FAM151B: variants seen among roughly 807,000 people sequenced by gnomAD.
FAM151B encodes the protein protein FAM151B.
In FAM151B, 24 loss-of-function variants were observed where a neutral mutation model predicts 31.2. The observed-to-expected ratio is 0.77, with a 90% confidence interval of 0.56 to 1.08. FAM151B has a LOEUF of 1.08. Ranked by LOEUF, FAM151B falls within the 50% of genes least tolerant of loss-of-function variation. The pLI, the probability that FAM151B is intolerant of heterozygous loss-of-function variation, is 0.00. For synonymous variants in FAM151B, 105 were observed against 111.4 expected, an observed-to-expected ratio of 0.94 and a Z score of 0.36; for missense variants, 293 against 328.6, an observed-to-expected ratio of 0.89 and a Z score of 0.84.
At chr5:80,502,890 TATA>T (rs1743802390) in intron 2 of FAM151B, among the ~76,000 whole-genome samples, 2 of 152,240 alleles carry the variant, frequency 1.3e-5, no homozygotes, top group African/African-American at 4.8e-5. Flanking sequence ...GTGCGTAGCA[TATA>T]ATAACTACAC....
rs150561828 is a variant in FAM151B, at chr5:80,517,190, T to C, written c.318-2503T>C. Among the ~76,000 whole-genome samples, 619 of 152,300 alleles carry C rather than the reference T, an allele frequency of 4.1e-3. 4 individuals are homozygous for C. The highest frequency in any genetic ancestry group is 0.014 in the African/African-American group (574 of 41,568). On this transcript the variant is annotated intron_variant, in intron 3 of 5. Coordinates refer to ENST00000282226, the MANE Select transcript of FAM151B (RefSeq NM_205548.3). Reference sequence around the variant, plus strand: ...TCACATAACTTTTATTATAGTATATTGCTATAATTGTTCTATTTTATTACT... The same window carrying C: ...TCACATAACTTTTATTATAGTATATCGCTATAATTGTTCTATTTTATTACT...
chr5:80,500,302 G>T, intron 1 of FAM151B: 2 of 747,678 alleles, frequency 2.7e-6, no homozygotes, highest in South Asian at 2.8e-5. Context: ...TATATAAGAT[G>T]AGCAAGTTGC....
In FAM151B at chr5:80,538,474, CTTT is replaced by C. The variant is rs1561383787; in HGVS notation, c.672-3198_672-3196del. On this transcript the variant is annotated intron_variant, in intron 5 of 5. Transcript: ENST00000282226. ...TCTTTCTTTCTTTCTTTCTTTCTTT[CTTT>C]CTTTCTTTCCTTCCTTCCTTCCTTT... Among the ~76,000 whole-genome samples, 8 of 123,898 alleles carry C rather than the reference CTTT, an allele frequency of 6.5e-5. 1 individual carries two copies. The highest frequency in any genetic ancestry group is 1.3e-4 in the African/African-American group (4 of 30,032). 81.3% of individuals were successfully genotyped at this position (123,898 alleles called of 152,430 possible).
intron 3 of FAM151B, among the ~76,000 whole-genome samples, chr5:80,519,425 C>T (rs1423126256): frequency 6.6e-6 from 1 of 152,112 alleles, no homozygotes; most frequent in Non-Finnish European, 1.5e-5. Flanking sequence ...AGTTTTGAAA[C>T]CTCTATTTTG....
rs139282692 is a variant in FAM151B, at chr5:80,500,972, C to G, written c.26-820C>G. On this transcript the variant is annotated intron_variant, in intron 1 of 5. Transcript: ENST00000282226. ...TTGCTGTGGCCCTTCAAATTATCTT[C>G]GCCATGAGGCGGAATGAAGAAAAAG... 7 of 672,800 alleles carry G rather than the reference C, an allele frequency of 1.0e-5. No individual in the cohort carries two copies. In the East Asian group the frequency reaches 1.8e-4, roughly 18 times the overall value. 41.7% of individuals were successfully genotyped at this position (672,800 alleles called of 1,614,324 possible). A position where few individuals can be genotyped will look rare whatever the true frequency, so the allele number is the denominator to read the frequency against.
At chr5:80,498,221 T>C (rs960935026) in intron 1 of FAM151B, among the ~76,000 whole-genome samples, 1 of 152,226 alleles carries the variant, frequency 6.6e-6, no homozygotes, top group Non-Finnish European at 1.5e-5. Context: ...TGTGTTGCCA[T>C]CTCAGTATGA....
At chr5:80,497,113 A>G (rs1307275505) in intron 1 of FAM151B, among the ~76,000 whole-genome samples, 2 of 151,670 alleles carry the variant, frequency 1.3e-5, no homozygotes, top group African/African-American at 4.8e-5. Flanking sequence ...GCCCAGCCTA[A>G]TTTTTTTCTG....
At chr5:80,529,095 G>A (rs149141876) in intron 5 of FAM151B, among the ~76,000 whole-genome samples, 32,738 of 152,026 alleles carry the variant, frequency 0.22, 3,725 homozygotes, top group Non-Finnish European at 0.26. Flanking sequence ...ACTCAAAACC[G>A]CTCAACTACA....
chr5:80,520,649 A>G (rs994601619), intron 4 of FAM151B, among the ~76,000 whole-genome samples: 2 of 148,446 alleles, frequency 1.3e-5, no homozygotes, highest in African/African-American at 4.9e-5. Flanking sequence ...TGTCTCAAAA[A>G]AAAAAAAAAA....
chr5:80,503,258 A>T lies in FAM151B; in HGVS notation c.151+1341A>T, dbSNP rs79067728. On this transcript the variant is annotated intron_variant, in intron 2 of 5. Transcript: ENST00000282226. Reference sequence around the variant, plus strand: ...ATTCTATAGATAAATGATCATAATAAATAGGTGAACTTAGAAAATCTCAGG... The same window carrying T: ...ATTCTATAGATAAATGATCATAATATATAGGTGAACTTAGAAAATCTCAGG... Among the ~76,000 whole-genome samples, 758 of 152,328 alleles carry T rather than the reference A, an allele frequency of 5.0e-3. 21 individuals are homozygous for T. Among genetic ancestry groups the T allele is most frequent in the Admixed American group, 0.036 (548 of 15,294 alleles).
At chr5:80,505,064 C>T (rs1272580936) in intron 2 of FAM151B, among the ~76,000 whole-genome samples, 2 of 152,220 alleles carry the variant, frequency 1.3e-5, no homozygotes, top group African/African-American at 4.8e-5. Context: ...TGAAGAATTC[C>T]ACCTTTGGCA....
At chr5:80,527,353 G>A (rs1745017013) in intron 5 of FAM151B, among the ~76,000 whole-genome samples, 3 of 152,022 alleles carry the variant, frequency 2.0e-5, no homozygotes, top group Admixed American at 1.3e-4. Flanking sequence ...AACCTGGAAG[G>A]CAGAAGTTGT....
rs1561383841 is a variant in FAM151B, at chr5:80,538,485, TC to T, written c.672-3186del. Among the ~76,000 whole-genome samples, 840 of 133,818 alleles carry T rather than the reference TC, an allele frequency of 6.3e-3. 59 individuals carry two copies. The highest frequency in any genetic ancestry group is 0.02 in the African/African-American group (683 of 33,334). 87.8% of individuals were successfully genotyped at this position (133,818 alleles called of 152,430 possible). A position where few individuals can be genotyped will look rare whatever the true frequency, so the allele number is the denominator to read the frequency against. On this transcript the variant is annotated intron_variant, in intron 5 of 5. Coordinates refer to ENST00000282226, the MANE Select transcript of FAM151B (RefSeq NM_205548.3). ...TTCTTTCTTTCTTTCTTTCTTTCTT[TC>T]CTTCCTTCCTTCCTTTCTTTTCTTT...
intron 2 of FAM151B, among the ~76,000 whole-genome samples, chr5:80,504,440 C>A (rs1054138737): frequency 2.6e-5 from 4 of 151,192 alleles, no homozygotes; most frequent in Non-Finnish European, 4.4e-5. Context: ...CCCAGAGACT[C>A]CTCAACTTGC....
At position 80,522,092 on chromosome 5, in the gene FAM151B, A is replaced by G; in HGVS notation, c.625A>G (p.Arg209Gly). 6.2e-7 allele frequency: 1 copy of G among 1,613,368 alleles called. No homozygotes were observed. The highest frequency in any genetic ancestry group is 8.5e-7 in the Non-Finnish European group (1 of 1,179,420). The change falls in exon 5 of 6, where the codon AGG becomes GGG. Residue 209 changes from arginine (R) to glycine (G), a missense_variant. Coordinates refer to ENST00000282226, the MANE Select transcript of FAM151B (RefSeq NM_205548.3). ...GTTCCCTGTCAGAGCAGCATTAGTC[A>G]GGCAGTCTTGTTCTCAGTTACTTTG... ...VTFPVRAALV[R>G]QSCSQLLWLL...
chr5:80,503,087 A>G (rs2112608982), intron 2 of FAM151B, among the ~76,000 whole-genome samples: 1 of 152,328 alleles, frequency 6.6e-6, no homozygotes, highest in Admixed American at 6.5e-5. Flanking sequence ...CTAAATAAAA[A>G]CCACTAAAGG....
At chr5:80,539,699 C>G (rs983514432) in intron 5 of FAM151B, among the ~76,000 whole-genome samples, 7 of 151,742 alleles carry the variant, frequency 4.6e-5, no homozygotes, top group Middle Eastern at 3.5e-3. Flanking sequence ...ACCGTGTTAC[C>G]CAGGGTGGTC....
intron 1 of FAM151B, among the ~76,000 whole-genome samples, chr5:80,489,567 C>T (rs1034122350): frequency 6.6e-6 from 1 of 152,176 alleles, no homozygotes; most frequent in East Asian, 1.9e-4. Flanking sequence ...TTTACAAAAT[C>T]TTGGAATAAA....
chr5:80,500,706 A>G lies in FAM151B; in HGVS notation c.26-1086A>G, dbSNP rs556804407. On this transcript the variant is annotated intron_variant, in intron 1 of 5. Coordinates refer to ENST00000282226, the MANE Select transcript of FAM151B (RefSeq NM_205548.3). ...TTCAGTGGAACCTTTGTGAAGCTCA[A>G]CAGGCTTCAGTTAACATGCTGAGGA... 4.9e-6 allele frequency: 4 copies of G among 820,138 alleles called. No individual in the cohort carries two copies. In the South Asian group the frequency reaches 5.3e-5, roughly 11 times the overall value. The allele number at this position is 820,138 out of a possible 1,614,324, so 50.8% of individuals were successfully genotyped here. A position where few individuals can be genotyped will look rare whatever the true frequency, so the allele number is the denominator to read the frequency against.
Sources: allele counts gnomAD v4.1 joint callset (sites outside exome capture counted in the v4.1 genomes callset), GRCh38; gene constraint gnomAD v4.1.1; transcripts MANE v1.5; gene names NCBI Gene and HGNC (gene_info 2026-07-23, HGNC 2026-07-21).